The following PLXNA4 variants were observed in gnomAD, a reference collection of about 807,000 sequenced individuals.
PLXNA4 encodes plexin-A4.
Under a neutral mutation model 191.8 loss-of-function variants are expected in PLXNA4, and 44 were observed. The observed-to-expected ratio is 0.23, with a 90% CI of 0.18 to 0.29. The LOEUF (loss-of-function observed/expected upper bound fraction) is 0.29, where lower values mean the gene tolerates loss of function less well. PLXNA4 is among the 10% of genes least tolerant of loss of function. The pLI is 1.00. For missense variants in PLXNA4, 1,800 were observed against 2,488.8 expected (o/e 0.72, Z 5.89); for synonymous variants, 1,082 against 1,009.5 (o/e 1.07, Z -1.36).
intron 4 of PLXNA4, among the ~76,000 whole-genome samples, chr7:132,246,801 CATCAT>C (rs1562989643): frequency 6.6e-6 from 1 of 151,674 alleles, no homozygotes; most frequent in African/African-American, 2.4e-5. Context: ...TCATCATCAT[CATCAT>C]CCTCATCATC....
chr7:132,391,174 T>C (rs1040661287), intron 3 of PLXNA4, among the ~76,000 whole-genome samples: 1 of 151,962 alleles, frequency 6.6e-6, no homozygotes, highest in African/African-American at 2.4e-5. Flanking sequence ...CAGGAGCAGG[T>C]ATGTGCACGT....
intron 4 of PLXNA4, among the ~76,000 whole-genome samples, chr7:132,279,960 G>A (rs1800419577): frequency 1.3e-5 from 2 of 152,212 alleles, no homozygotes; most frequent in Admixed American, 6.5e-5. Flanking sequence ...CTCATGGCAA[G>A]AGATATGTTT....
intron 3 of PLXNA4, among the ~76,000 whole-genome samples, chr7:132,326,623 G>A (rs544295942): frequency 5.3e-5 from 8 of 152,242 alleles, no homozygotes; most frequent in South Asian, 2.1e-4. Context: ...GCTGGCCCTC[G>A]CTTCCCGCGG....
chr7:132,565,344 C>T (rs12707046), intron 1 of PLXNA4, among the ~76,000 whole-genome samples: 149,915 of 152,264 alleles, frequency 0.98, 73,841 homozygotes, highest in East Asian at 1. Flanking sequence ...TATATAATAC[C>T]TCTTCAATTG....
chr7:132,549,415 A>G (rs1253609822), intron 1 of PLXNA4, among the ~76,000 whole-genome samples: 4 of 152,124 alleles, frequency 2.6e-5, no homozygotes. Context: ...GAACTGAACC[A>G]CTTAGTTCAG....
intron 1 of PLXNA4, among the ~76,000 whole-genome samples, chr7:132,547,410 T>A (rs1438277204): frequency 6.6e-6 from 1 of 152,144 alleles, no homozygotes; most frequent in Non-Finnish European, 1.5e-5. Context: ...CACACCTACA[T>A]CTCTGCTTCA....
In PLXNA4 at chr7:132,474,483, C is replaced by T. The variant is rs1173184864; in HGVS notation, c.1371+14809G>A. Among the ~76,000 whole-genome samples, 3 of 152,216 alleles carry T rather than the reference C, an allele frequency of 2.0e-5. No homozygotes were observed. The East Asian group carries it at 5.8e-4, about 29-fold the overall frequency. ...GCCCCGCCCATCCTGCTTTCCATCA[C>T]CCAGGTTATTCACCCCAATTACAAC... On this transcript the variant is annotated intron_variant, in intron 3 of 31. Transcript: ENST00000321063.
chr7:132,299,962 C>T (rs185783864), intron 3 of PLXNA4, among the ~76,000 whole-genome samples: 1 of 152,304 alleles, frequency 6.6e-6, no homozygotes, highest in East Asian at 1.9e-4. Context: ...GAACTGGAAC[C>T]AGGGCAGGTC....
chr7:132,547,149 A>G (rs866325774), intron 1 of PLXNA4, among the ~76,000 whole-genome samples: 25 of 152,226 alleles, frequency 1.6e-4, no homozygotes, highest in Admixed American at 1.6e-3. Flanking sequence ...AAAGGAAGAT[A>G]CAATAGGCTG....
At position 132,609,402 on chromosome 7, in the gene PLXNA4, C is replaced by T. The variant is rs546054351; in HGVS notation, c.-87+36526G>A. On this transcript the variant is annotated intron_variant, in intron 2 of 4. Coordinates refer to the PLXNA4 transcript ENST00000378539. ...GAGTAAAAGCCTCATCCTTCTTTCA[C>T]ATATGGCTAACCACAAGAGCATGTG... Among the ~76,000 whole-genome samples, 11 of 152,288 alleles carry T rather than the reference C, an allele frequency of 7.2e-5. No individual in the cohort carries two copies. The South Asian group carries it at 2.3e-3, about 32-fold the overall frequency.
intron 3 of PLXNA4, among the ~76,000 whole-genome samples, chr7:132,473,855 G>GA (rs11384399): frequency 0.49 from 71,634 of 145,866 alleles, 20,509 homozygotes; most frequent in Non-Finnish European, 0.67. Context: ...TCTCAAACAA[G>GA]AAAAAAAAAA....
intron 20 of PLXNA4, among the ~76,000 whole-genome samples, chr7:132,176,840 G>A (rs1424567279): frequency 3.9e-5 from 6 of 152,108 alleles, no homozygotes; most frequent in Admixed American, 3.9e-4. Flanking sequence ...GTACGAATGT[G>A]AGTGCATGTG....
chr7:132,438,512 T>C (rs1795561212), intron 3 of PLXNA4, among the ~76,000 whole-genome samples: 2 of 152,244 alleles, frequency 1.3e-5, no homozygotes, highest in Admixed American at 6.5e-5. Context: ...AATGGCTAAC[T>C]TCTCAACCAC....
In PLXNA4 at chr7:132,130,406, G is replaced by C; in HGVS notation, c.*73C>G. On this transcript the variant is annotated 3_prime_UTR_variant, in exon 32 of 32. Coordinates refer to ENST00000321063, the MANE Select transcript of PLXNA4 (RefSeq NM_020911.2). Reference sequence around the variant, plus strand: ...CTGATGCCAGTCGGAACTTGCACTTGGTAAAGATGATAATCTAGACTGAGG... The same window carrying C: ...CTGATGCCAGTCGGAACTTGCACTTCGTAAAGATGATAATCTAGACTGAGG... The C allele has an allele frequency of 6.2e-7, 1 of 1,605,894 alleles. No homozygotes were observed. Among genetic ancestry groups the C allele is most frequent in the Non-Finnish European group, 8.5e-7 (1 of 1,173,758 alleles).
intron 4 of PLXNA4, among the ~76,000 whole-genome samples, chr7:132,282,854 G>T (rs1415634750): frequency 6.6e-6 from 1 of 151,868 alleles, no homozygotes; most frequent in East Asian, 1.9e-4. Flanking sequence ...TGGGGATATT[G>T]GGTCATCAGC....
intron 1 of PLXNA4, among the ~76,000 whole-genome samples, chr7:132,522,226 A>T (rs984660566): frequency 9.2e-5 from 14 of 152,104 alleles, no homozygotes; most frequent in African/African-American, 2.9e-4. Flanking sequence ...CTCTTATGCC[A>T]CCCAAAACTC....
At chr7:132,315,722 C>T (rs769772685) in intron 3 of PLXNA4, among the ~76,000 whole-genome samples, 10 of 152,136 alleles carry the variant, frequency 6.6e-5, no homozygotes, top group Non-Finnish European at 1.3e-4. Context: ...GAGGAGTGTG[C>T]TTCCCAGAAG....
At position 132,298,078 on chromosome 7, in the gene PLXNA4, C is replaced by T. The variant is rs374277211; in HGVS notation, c.1503+13G>A. On this transcript the variant is annotated intron_variant, in intron 4 of 31. Transcript: ENST00000321063. Reference sequence around the variant, plus strand: ...TGCAAGACAAATGTCTAGCGGAGCCCGAAGAGCCTTACCTGCCTCTCTGAC... The same window carrying T: ...TGCAAGACAAATGTCTAGCGGAGCCTGAAGAGCCTTACCTGCCTCTCTGAC... The T allele has an allele frequency of 1.4e-5, 22 of 1,613,992 alleles. No individual in the cohort carries two copies. Among genetic ancestry groups the T allele is most frequent in the East Asian group, 2.2e-5 (1 of 44,892 alleles).
In PLXNA4 at chr7:132,130,104, G is replaced by A; in HGVS notation, c.*375C>T. ...TGCCAAAGTGGAAGGTGAAGTAGCA[G>A]CACAGAAATGTCCCCTGTCCCTGGC... On this transcript the variant is annotated 3_prime_UTR_variant, in exon 32 of 32. Coordinates refer to ENST00000321063, the MANE Select transcript of PLXNA4 (RefSeq NM_020911.2). 4.5e-6 allele frequency: 1 copy of A among 222,062 alleles called. No individual in the cohort carries two copies. The allele number at this position is 222,062 out of a possible 1,614,324, so 13.8% of individuals were successfully genotyped here.
Sources: gnomAD v4.1 joint callset for allele counts (sites outside exome capture counted in the v4.1 genomes callset) on GRCh38, gnomAD v4.1.1 for gene constraint, MANE v1.5 for transcripts, NCBI Gene and HGNC (gene_info 2026-07-23, HGNC 2026-07-21) for gene names.